The following FAM135B variants were observed in gnomAD, a reference collection of about 807,000 sequenced individuals.
FAM135B encodes the protein family with sequence similarity 135 member B, also known as protein FAM135B.
A neutral mutation model predicts 127.7 loss-of-function variants in FAM135B; 43 were observed. The ratio of observed to expected loss-of-function variants is 0.34; its 90% CI spans 0.26 to 0.43. FAM135B has a LOEUF of 0.43. FAM135B is among the 20% of genes least tolerant of loss of function. The probability of loss-of-function intolerance (pLI) is 1.00; values close to 1 mark genes in which losing one functional copy is unlikely to be tolerated. For synonymous variants in FAM135B, 670 were observed against 665.1 expected (o/e 1.01, Z -0.11); for missense variants, 1,558 against 1,725.6 (o/e 0.90, Z 1.72).
At position 138,243,786 on chromosome 8, in the gene FAM135B, T is replaced by C. The variant is rs567789716; in HGVS notation, c.543-718A>G. ...TCTTCCTCTATCTTTACCTGTTTGATTTTCATCAATTGATATACCAGTAAT... is the reference window on the plus strand; with the variant it reads ...TCTTCCTCTATCTTTACCTGTTTGACTTTCATCAATTGATATACCAGTAAT... On this transcript the variant is annotated intron_variant, in intron 6 of 19. Transcript: ENST00000395297. The surrounding 1 kb of genome is among the most constrained non-coding windows in gnomAD (Gnocchi z 7.5). Among the ~76,000 whole-genome samples the C allele has an allele frequency of 1.3e-5, 2 of 152,362 alleles. No homozygotes were observed. The highest frequency in any genetic ancestry group is 6.5e-5 in the Admixed American group (1 of 15,300).
intron 7 of FAM135B, among the ~76,000 whole-genome samples, chr8:138,200,633 CCCCAGCCT>C (rs375707540): frequency 5.9e-5 from 9 of 152,254 alleles, no homozygotes; most frequent in African/African-American, 1.9e-4. Flanking sequence ...GTCCCATTCC[CCCCAGCCT>C]AATAATTTTT....
rs755799462 is a variant in FAM135B, at chr8:138,243,258, G to A, written c.543-190C>T. Reference sequence around the variant, plus strand: ...ATGATAAAGAGGGTACAACTGGCACGTAAGCTTGAAAGTCAATGATGATAC... The same window carrying A: ...ATGATAAAGAGGGTACAACTGGCACATAAGCTTGAAAGTCAATGATGATAC... On this transcript the variant is annotated intron_variant, in intron 6 of 19. Coordinates refer to ENST00000395297, the MANE Select transcript of FAM135B (RefSeq NM_015912.4). This position sits in a 1 kb window ranked among gnomAD's most constrained non-coding sequence, Gnocchi z 7.5. 1.9e-4 allele frequency among the ~76,000 whole-genome samples: 29 copies of A among 152,166 alleles called. No homozygotes were observed. The highest frequency in any genetic ancestry group is 2.9e-4 in the Non-Finnish European group (20 of 68,032).
At chr8:138,310,714 A>G in intron 3 of FAM135B, 127 bp downstream of exon 3, 2 of 794,394 alleles carry the variant, frequency 2.5e-6, no homozygotes, top group Non-Finnish European at 1.9e-6. Flanking sequence ...AAAATTCGCC[A>G]TCCAACATTC....
At chr8:138,446,721 A>T (rs1180650068) in intron 1 of FAM135B, among the ~76,000 whole-genome samples, 7 of 151,940 alleles carry the variant, frequency 4.6e-5, no homozygotes, top group Non-Finnish European at 8.8e-5. Flanking sequence ...AACCTAGGCA[A>T]TACCATTCAG....
At chr8:138,473,461 T>A (rs1422661894) in intron 1 of FAM135B, among the ~76,000 whole-genome samples, 1 of 152,140 alleles carries the variant, frequency 6.6e-6, no homozygotes, top group Non-Finnish European at 1.5e-5. Flanking sequence ...CCCACATAGA[T>A]CCCATCTTCC....
chr8:138,390,671 T>C (rs539012180), intron 1 of FAM135B, among the ~76,000 whole-genome samples: 1 of 152,346 alleles, frequency 6.6e-6, no homozygotes, highest in Non-Finnish European at 1.5e-5. Context: ...CTGTGTTCAC[T>C]AATGAAGAAA....
intron 1 of FAM135B, among the ~76,000 whole-genome samples, chr8:138,444,131 G>A (rs569052580): frequency 2.2e-4 from 34 of 152,082 alleles, no homozygotes; most frequent in Non-Finnish European, 4.3e-4. Flanking sequence ...CCCAATACAG[G>A]AGCACCCAGA....
chr8:138,240,550 C>A (rs560961744), intron 7 of FAM135B, among the ~76,000 whole-genome samples: 1 of 152,290 alleles, frequency 6.6e-6, no homozygotes, highest in East Asian at 1.9e-4. Context: ...ATCATTCATT[C>A]CCCACACTTT....
intron 1 of FAM135B, among the ~76,000 whole-genome samples, chr8:138,423,179 C>T (rs552794459): frequency 6.6e-6 from 1 of 152,128 alleles, no homozygotes; most frequent in Admixed American, 6.6e-5. Context: ...TGCTCAGTAT[C>T]TGAGTGATGA....
At chr8:138,142,417 C>T (rs574231886) in intron 16 of FAM135B, among the ~76,000 whole-genome samples, 7 of 149,344 alleles carry the variant, frequency 4.7e-5, no homozygotes, top group African/African-American at 1.5e-4. Context: ...CATTCTCCTG[C>T]GTCAGCCTCC....
At chr8:138,315,674 TAA>T (rs34949524) in intron 2 of FAM135B, among the ~76,000 whole-genome samples, 1 of 150,722 alleles carries the variant, frequency 6.6e-6, no homozygotes, top group African/African-American at 2.4e-5. Flanking sequence ...ATTCAGCCTT[TAA>T]AAAAAAAAGA....
At chr8:138,215,492 A>T (rs1443119123) in intron 7 of FAM135B, among the ~76,000 whole-genome samples, 1 of 152,212 alleles carries the variant, frequency 6.6e-6, no homozygotes, top group East Asian at 1.9e-4. Flanking sequence ...AGAGAACATT[A>T]GACTTGGAAT....
chr8:138,237,021 TC>T (rs1194452734), intron 7 of FAM135B, among the ~76,000 whole-genome samples: 3 of 152,160 alleles, frequency 2.0e-5, no homozygotes, highest in Non-Finnish European at 4.4e-5. Flanking sequence ...GTCCGTGTCT[TC>T]CCACCAGGCT....
chr8:138,153,628 CAGG>C (rs1818401050), intron 12 of FAM135B, among the ~76,000 whole-genome samples: 1 of 152,180 alleles, frequency 6.6e-6, no homozygotes, highest in Admixed American at 6.5e-5. Flanking sequence ...AACGGCACAC[CAGG>C]AGATTATATC....
At chr8:138,229,041 A>ATG (rs1819700150) in intron 7 of FAM135B, among the ~76,000 whole-genome samples, 2 of 119,860 alleles carry the variant, frequency 1.7e-5, no homozygotes, top group African/African-American at 3.6e-5. Context: ...GAACACTCAC[A>ATG]CGTGTGTGTG....
intron 7 of FAM135B, among the ~76,000 whole-genome samples, chr8:138,202,423 A>G (rs1193107711): frequency 1.3e-5 from 2 of 151,850 alleles, no homozygotes; most frequent in African/African-American, 4.8e-5. Flanking sequence ...CTAATGTTTT[A>G]ATTTTTTTGT....
At chr8:138,175,473 G>C (rs781543661) in intron 11 of FAM135B, among the ~76,000 whole-genome samples, 1 of 152,078 alleles carries the variant, frequency 6.6e-6, no homozygotes, top group Non-Finnish European at 1.5e-5. Context: ...TTTTCTTATC[G>C]CTTTGGCTAA....
intron 2 of FAM135B, among the ~76,000 whole-genome samples, chr8:138,342,229 A>G (rs936812069): frequency 1.3e-5 from 2 of 152,246 alleles, no homozygotes; most frequent in Non-Finnish European, 2.9e-5. Flanking sequence ...CAGAACCATG[A>G]TTCAATTCTA....
At chr8:138,383,921 T>G (rs531962985) in intron 1 of FAM135B, among the ~76,000 whole-genome samples, 2 of 152,282 alleles carry the variant, frequency 1.3e-5, no homozygotes, top group East Asian at 3.9e-4. Context: ...ACCTGCTTCC[T>G]CCCTCTGAAT....
Sources: allele counts gnomAD v4.1 joint callset (sites outside exome capture counted in the v4.1 genomes callset), GRCh38; gene constraint gnomAD v4.1.1; non-coding constraint Gnocchi (gnomAD v3.1); transcripts MANE v1.5; gene names NCBI Gene and HGNC (gene_info 2026-07-23, HGNC 2026-07-21).